LDLRAD4: variants seen among roughly 807,000 people sequenced by gnomAD.
The protein encoded by LDLRAD4 is low density lipoprotein receptor class A domain containing 4, also known as low-density lipoprotein receptor class A domain-containing protein 4.
A neutral mutation model predicts 17.0 loss-of-function variants in LDLRAD4; 5 were observed. The ratio of observed to expected loss-of-function variants is 0.29; its 90% CI spans 0.15 to 0.62. The LOEUF is 0.62. Ranked by LOEUF, LDLRAD4 falls within the 20% of genes least tolerant of loss-of-function variation. The probability of loss-of-function intolerance (pLI) is 0.84; values close to 1 mark genes in which losing one functional copy is unlikely to be tolerated. For missense variants in LDLRAD4, 340 were observed against 424.7 expected (o/e 0.80, Z 1.75); for synonymous variants, 168 against 171.8 (o/e 0.98, Z 0.17).
intron 1 of LDLRAD4, among the ~76,000 whole-genome samples, chr18:13,299,661 C>T (rs967078787): frequency 2.0e-5 from 3 of 152,184 alleles, no homozygotes; most frequent in Admixed American, 2.0e-4. Context: ...CTGGACAACA[C>T]AGCAAGACCC....
chr18:13,404,730 G>A (rs867216748), intron 2 of LDLRAD4, among the ~76,000 whole-genome samples: 86 of 151,860 alleles, frequency 5.7e-4, no homozygotes, highest in Middle Eastern at 3.4e-3. Flanking sequence ...CCCGGGAGGC[G>A]GAGCTTGCAG....
intron 3 of LDLRAD4, chr18:13,613,154 C>A: frequency 5.9e-6 from 1 of 170,232 alleles, no homozygotes; most frequent in Non-Finnish European, 1.3e-5. Context: ...CTGAAAACTG[C>A]ATTTTAAAGA....
chr18:13,315,987 A>G (rs1430950820), intron 1 of LDLRAD4, among the ~76,000 whole-genome samples: 2 of 152,152 alleles, frequency 1.3e-5, no homozygotes, highest in Non-Finnish European at 2.9e-5. Flanking sequence ...AGGAAAGAGC[A>G]TGAGAGCCAC....
chr18:13,515,616 C>T (rs1013363571), intron 3 of LDLRAD4: 10 of 152,316 alleles, frequency 6.6e-5, no homozygotes, highest in South Asian at 2.1e-4. Flanking sequence ...TACAAATTCA[C>T]GTTTATGTTT....
chr18:13,506,276 T>C (rs971395356), intron 3 of LDLRAD4, among the ~76,000 whole-genome samples: 1 of 151,812 alleles, frequency 6.6e-6, no homozygotes. Context: ...AACGTGCAGT[T>C]TTGTTACATA....
chr18:13,312,894 A>C (rs1324554000), intron 1 of LDLRAD4, among the ~76,000 whole-genome samples: 1 of 152,224 alleles, frequency 6.6e-6, no homozygotes, highest in Non-Finnish European at 1.5e-5. Context: ...CTTCAGTTGC[A>C]TTATATGTTC....
At position 13,568,309 on chromosome 18, in the gene LDLRAD4, GAAAA is replaced by G. The variant is rs368760158; in HGVS notation, c.182-52804_182-52801del. ...ACTCCGTTTACAAAAAAAAAAAAAA[GAAAA>G]AAACAAGTTTGCAGAAGGCAGCATG... On this transcript the variant is annotated intron_variant, in intron 3 of 5. Transcript: ENST00000359446. 1.9e-3 allele frequency among the ~76,000 whole-genome samples: 282 copies of G among 148,876 alleles called. 1 individual carries two copies. Among genetic ancestry groups the G allele is most frequent in the East Asian group, 3.5e-3 (18 of 5,126 alleles).
rs1483491228 is a variant in LDLRAD4, at chr18:13,611,404, C to G, written c.182-9713C>G. The G allele has an allele frequency of 3.1e-6, 3 of 962,986 alleles. No homozygotes were observed. In the East Asian group the frequency reaches 3.4e-4, roughly 111 times the overall value. The allele number at this position is 962,986 out of a possible 1,614,324, so 59.7% of individuals were successfully genotyped here. A position where few individuals can be genotyped will look rare whatever the true frequency, so the allele number is the denominator to read the frequency against. On this transcript the variant is annotated intron_variant, in intron 3 of 5. Coordinates refer to ENST00000359446, the Ensembl canonical transcript of LDLRAD4. ...TGGCAGGCTGCCCTTTCCACCACGG[C>G]CACCCCGTGATTTTCTCTGAAAACT... is the stretch of plus-strand genomic sequence containing the variant.
chr18:13,400,123 C>T (rs2087043060), intron 2 of LDLRAD4, among the ~76,000 whole-genome samples: 1 of 152,146 alleles, frequency 6.6e-6, no homozygotes, highest in East Asian at 1.9e-4. Context: ...GGGCACTGGG[C>T]TAGGTGCTTG....
At chr18:13,368,659 C>T (rs754241484) in intron 1 of LDLRAD4, among the ~76,000 whole-genome samples, 2 of 152,204 alleles carry the variant, frequency 1.3e-5, no homozygotes, top group African/African-American at 2.4e-5. Context: ...GAGATTTCTC[C>T]AGTCACTTTT....
At chr18:13,378,614 A>G (rs1348202286) in intron 1 of LDLRAD4, among the ~76,000 whole-genome samples, 3 of 152,206 alleles carry the variant, frequency 2.0e-5, no homozygotes, top group African/African-American at 4.8e-5. Context: ...AAAACATGAA[A>G]AAAAGCCAAT....
chr18:13,321,254 T>G (rs2081204031), intron 1 of LDLRAD4, among the ~76,000 whole-genome samples: 1 of 152,208 alleles, frequency 6.6e-6, no homozygotes, highest in Non-Finnish European at 1.5e-5. Flanking sequence ...CAGAGGCCTA[T>G]GCGCGGTTTG....
In LDLRAD4 at chr18:13,574,102, G is replaced by A. The variant is rs188909436; in HGVS notation, c.182-47015G>A. On this transcript the variant is annotated intron_variant, in intron 3 of 5. Transcript: ENST00000359446. ...GTGGGGAAGGCTCTAACTCTTGGTC[G>A]TTCCACTTGCTCACTGCTCTTCTTT... Among the ~76,000 whole-genome samples the A allele has an allele frequency of 2.5e-3, 388 of 152,328 alleles. 3 individuals are homozygous for A. The highest frequency in any genetic ancestry group is 8.8e-3 in the African/African-American group (367 of 41,574).
chr18:13,359,595 A>G (rs529524620), intron 1 of LDLRAD4, among the ~76,000 whole-genome samples: 134 of 152,164 alleles, frequency 8.8e-4, no homozygotes, highest in Non-Finnish European at 1.6e-3. Context: ...TAAGGAAGGG[A>G]TTTAATTTTT....
At chr18:13,527,371 G>A (rs544166766) in intron 3 of LDLRAD4, among the ~76,000 whole-genome samples, 1 of 152,366 alleles carries the variant, frequency 6.6e-6, no homozygotes, top group African/African-American at 2.4e-5. Context: ...ATAGGAGGCG[G>A]GCCTCCAGGC....
At chr18:13,544,725 C>T (rs985928652) in intron 3 of LDLRAD4, among the ~76,000 whole-genome samples, 2 of 152,104 alleles carry the variant, frequency 1.3e-5, no homozygotes, top group African/African-American at 2.4e-5. Flanking sequence ...CGAACACACC[C>T]GTCACCTTTC....
chr18:13,339,198 C>A (rs1361427203), intron 1 of LDLRAD4, among the ~76,000 whole-genome samples: 1 of 149,376 alleles, frequency 6.7e-6, no homozygotes, highest in Non-Finnish European at 1.5e-5. Context: ...TGTTATCCTT[C>A]TGTAGTATCA....
chr18:13,352,080 C>T (rs1461937743), intron 1 of LDLRAD4, among the ~76,000 whole-genome samples: 1 of 152,150 alleles, frequency 6.6e-6, no homozygotes, highest in Non-Finnish European at 1.5e-5. Flanking sequence ...GTGTTAAAAA[C>T]TCTCAATAAA....
chr18:13,605,420 G>C (rs1015879699), intron 3 of LDLRAD4, among the ~76,000 whole-genome samples: 1 of 152,190 alleles, frequency 6.6e-6, no homozygotes, highest in African/African-American at 2.4e-5. Context: ...GTCTCACTGT[G>C]TTGCCCAGGC....
Sources: gnomAD v4.1 joint callset for allele counts (sites outside exome capture counted in the v4.1 genomes callset) on GRCh38, gnomAD v4.1.1 for gene constraint, MANE v1.5 for transcripts, NCBI Gene and HGNC (gene_info 2026-07-23, HGNC 2026-07-21) for gene names.